The following DSG4 variants were observed in gnomAD, a reference collection of about 807,000 sequenced individuals.
DSG4 encodes desmoglein 4, also known as desmoglein-4.
DSG4 carries 87 observed loss-of-function variants against 93.1 expected under a neutral mutation model. That is an observed-to-expected ratio of 0.93 (90% CI 0.79 to 1.12). The LOEUF is 1.12. Among genes scored for constraint, DSG4 ranks in the 50% most tolerant of loss-of-function variants. The pLI is 0.00. For synonymous variants in DSG4, 432 were observed against 452.9 expected (o/e 0.95, Z 0.59); for missense variants, 1,373 against 1,285.7 (o/e 1.07, Z -1.04).
At chr18:31,381,686 G>A (rs559258738) in intron 1 of DSG4, among the ~76,000 whole-genome samples, 85 of 151,972 alleles carry the variant, frequency 5.6e-4, no homozygotes, top group African/African-American at 1.9e-3. Context: ...TTGAGTTGGA[G>A]TCTTGCAATG....
chr18:31,388,866 T>C lies in DSG4; in HGVS notation c.373-8T>C, dbSNP rs781233097. 4.9e-5 allele frequency: 79 copies of C among 1,613,418 alleles called. No individual in the cohort carries two copies. Among genetic ancestry groups the C allele is most frequent in the Non-Finnish European group, 4.2e-5 (49 of 1,179,574 alleles). On this transcript the variant is annotated splice_region_variant and splice_polypyrimidine_tract_variant and intron_variant, in intron 4 of 15. Coordinates refer to ENST00000308128, the MANE Select transcript of DSG4 (RefSeq NM_177986.5). The stretch of plus-strand genomic sequence containing the variant: ...GGAAAAAGATGGCTTTTTTCCAATT[T>C]TCCACAGATCTATTGCCGGGCTCTG...
intron 14 of DSG4, among the ~76,000 whole-genome samples, 179 bp downstream of exon 14, chr18:31,409,987 C>A (rs530198388): frequency 6.6e-6 from 1 of 152,018 alleles, no homozygotes; most frequent in Non-Finnish European, 1.5e-5. Context: ...AAACTACAGA[C>A]AGTGAAGTAT....
At chr18:31,389,393 G>C (rs999003008) in intron 5 of DSG4, among the ~76,000 whole-genome samples, 1 of 152,120 alleles carries the variant, frequency 6.6e-6, no homozygotes, top group Non-Finnish European at 1.5e-5. Context: ...ACACCAGGTA[G>C]AGCGTGATGG....
At chr18:31,379,016 A>G (rs2072106439) in intron 1 of DSG4, among the ~76,000 whole-genome samples, 1 of 152,192 alleles carries the variant, frequency 6.6e-6, no homozygotes, top group African/African-American at 2.4e-5. Context: ...AACCGCAAAG[A>G]GCACTGTAAA....
intron 9 of DSG4, among the ~76,000 whole-genome samples, chr18:31,400,090 G>A (rs1025495094): frequency 6.6e-6 from 1 of 152,176 alleles, no homozygotes; most frequent in African/African-American, 2.4e-5. Flanking sequence ...TAGATTATAT[G>A]TGAATTAGAA....
chr18:31,394,576 A>G (rs547096422), intron 8 of DSG4, among the ~76,000 whole-genome samples: 178 of 152,274 alleles, frequency 1.2e-3, no homozygotes, highest in Admixed American at 2.1e-3. Context: ...AAACTTAACA[A>G]CATGAGTTCA....
intron 1 of DSG4, chr18:31,382,453 C>T (rs1445935447): frequency 6.6e-6 from 1 of 152,194 alleles, no homozygotes; most frequent in Admixed American, 6.5e-5. Flanking sequence ...TTTAAAAAGG[C>T]TTTTGTAGGC....
intron 2 of DSG4, among the ~76,000 whole-genome samples, chr18:31,386,017 A>C (rs1469847896): frequency 6.6e-6 from 1 of 152,160 alleles, no homozygotes; most frequent in Non-Finnish European, 1.5e-5. Context: ...TTAAGTATAC[A>C]TCAATAGCAG....
rs146300648 is a variant in DSG4 at position 31,397,769 on chromosome 18, G to A, written c.1006-1503G>A. The stretch of plus-strand genomic sequence containing the variant: ...AGGCCGGGCACAGGGGCTCATGCCT[G>A]TAATCCCAGCTCTTTGAGAGGCCAA... On this transcript the variant is annotated intron_variant, in intron 8 of 15. Transcript: ENST00000308128. Among the ~76,000 whole-genome samples the A allele has an allele frequency of 1.1e-3, 163 of 152,250 alleles. 1 individual carries two copies. The East Asian group carries it at 0.027, about 25-fold the overall frequency.
chr18:31,397,040 T>G (rs1174794964), intron 8 of DSG4, among the ~76,000 whole-genome samples: 1 of 152,184 alleles, frequency 6.6e-6, no homozygotes, highest in Non-Finnish European at 1.5e-5. Flanking sequence ...CACATTCTCT[T>G]TTGGATGGAG....
intron 9 of DSG4, among the ~76,000 whole-genome samples, chr18:31,400,297 C>T (rs781155364): frequency 6.6e-6 from 1 of 152,174 alleles, no homozygotes; most frequent in Non-Finnish European, 1.5e-5. Context: ...CCTGTGAAGT[C>T]TGCCAGGATG....
Position 31,392,724 on chromosome 18 carries a change from T to A in DSG4, c.1005+384T>A, listed in dbSNP as rs145938207. ...ATGAAAGAGATAAGAAATGGTGAGATCCTTCTGAGCTAGATTTGTCTGAAA... is the reference window on the plus strand; with the variant it reads ...ATGAAAGAGATAAGAAATGGTGAGAACCTTCTGAGCTAGATTTGTCTGAAA... On this transcript the variant is annotated intron_variant, in intron 8 of 15. Transcript: ENST00000308128. Among the ~76,000 whole-genome samples the A allele has an allele frequency of 3.9e-3, 594 of 152,248 alleles. 4 individuals carry two copies. In the Middle Eastern group the frequency reaches 0.041, roughly 10 times the overall value.
At chr18:31,396,123 G>A (rs2144188836) in intron 8 of DSG4, among the ~76,000 whole-genome samples, 1 of 150,038 alleles carries the variant, frequency 6.7e-6, no homozygotes, top group Admixed American at 6.6e-5. Context: ...ATAAAAAAGT[G>A]TGTGTGTATA....
At chr18:31,405,044 T>C (rs1239682105) in intron 11 of DSG4, among the ~76,000 whole-genome samples, 1 of 152,224 alleles carries the variant, frequency 6.6e-6, no homozygotes, top group Non-Finnish European at 1.5e-5. Context: ...CATTGCCTTA[T>C]CTCATTTTTA....
intron 14 of DSG4, chr18:31,410,966 C>T (rs1057203461): frequency 2.7e-5 from 27 of 994,502 alleles, no homozygotes; most frequent in East Asian, 1.1e-4. Context: ...TTGGCTAGTT[C>T]TACACCTTTA....
intron 5 of DSG4, among the ~76,000 whole-genome samples, chr18:31,390,440 G>A (rs1231373675): frequency 1.3e-5 from 2 of 152,210 alleles, no homozygotes; most frequent in African/African-American, 4.8e-5. Flanking sequence ...CATTTAAGGA[G>A]TGCAAGTACT....
At chr18:31,398,648 T>C (rs1260622463) in intron 8 of DSG4, among the ~76,000 whole-genome samples, 3 of 152,218 alleles carry the variant, frequency 2.0e-5, no homozygotes, top group Non-Finnish European at 2.9e-5. Context: ...CTATTTTTTA[T>C]CCAGAATACC....
chr18:31,408,139 G>A (rs1182930414), intron 12 of DSG4, among the ~76,000 whole-genome samples: 1 of 152,186 alleles, frequency 6.6e-6, no homozygotes. Context: ...GGAGAGAGGG[G>A]GCAGTGTGAT....
intron 1 of DSG4, chr18:31,382,399 CCT>C (rs1241953572): frequency 6.6e-6 from 1 of 152,210 alleles, no homozygotes; most frequent in East Asian, 1.9e-4. Context: ...TTCTTTCCCC[CCT>C]GTCTCACTAC....
Sources: allele counts gnomAD v4.1 joint callset (sites outside exome capture counted in the v4.1 genomes callset), GRCh38; gene constraint gnomAD v4.1.1; transcripts MANE v1.5; gene names NCBI Gene and HGNC (gene_info 2026-07-23, HGNC 2026-07-21).